Variants in ABCA13 observed in about 807,000 individuals in gnomAD.
ABCA13 encodes ATP binding cassette subfamily A member 13.
Under a neutral mutation model 478.7 loss-of-function variants are expected in ABCA13, and 476 were observed. The observed-to-expected ratio is 0.99, with a 90% CI of 0.92 to 1.07. The LOEUF (loss-of-function observed/expected upper bound fraction) is 1.07, where lower values mean the gene tolerates loss of function less well. ABCA13 is among the 50% of genes least tolerant of loss of function. The pLI is 0.00. For missense variants in ABCA13, 6,060 were observed against 5,910.6 expected (o/e 1.03, Z -0.83); for synonymous variants, 2,252 against 2,158.9 (o/e 1.04, Z -1.20).
At chr7:48,487,529 A>G (rs1444435171) in intron 47 of ABCA13, among the ~76,000 whole-genome samples, 1 of 152,104 alleles carries the variant, frequency 6.6e-6, no homozygotes, top group African/African-American at 2.4e-5. Context: ...AATTAAAATA[A>G]TAAAACAAAT....
At chr7:48,524,020 T>G (rs1269039010) in intron 53 of ABCA13, among the ~76,000 whole-genome samples, 1 of 152,218 alleles carries the variant, frequency 6.6e-6, no homozygotes, top group Non-Finnish European at 1.5e-5. Context: ...CCAATTCATT[T>G]CAGTATCTTT....
At chr7:48,423,327 G>A (rs1327035418) in intron 41 of ABCA13, among the ~76,000 whole-genome samples, 1 of 152,186 alleles carries the variant, frequency 6.6e-6, no homozygotes, top group Non-Finnish European at 1.5e-5. Context: ...TTCTTCCTCT[G>A]CTCAAGTCAT....
intron 40 of ABCA13, 74 bp from the exon 41 acceptor site, chr7:48,412,279 T>TTAAGCAGTAAGGAATGTTACATCA: frequency 8.7e-7 from 1 of 1,147,036 alleles, no homozygotes; most frequent in Non-Finnish European, 1.2e-6. Flanking sequence ...CTTATGGATA[T>TTAAGCAGTAAGGAATGTTACATCA]ACATGAAATC....
chr7:48,394,222 G>A (rs1816496871), intron 38 of ABCA13, among the ~76,000 whole-genome samples: 1 of 152,074 alleles, frequency 6.6e-6, no homozygotes. Flanking sequence ...GATTTATTAT[G>A]AGTGCCCCCT....
chr7:48,464,588 G>A (rs1307431285), intron 43 of ABCA13, among the ~76,000 whole-genome samples: 3 of 152,174 alleles, frequency 2.0e-5, no homozygotes, highest in South Asian at 2.1e-4. Context: ...CTAATTTAAT[G>A]TAATGAGTTG....
chr7:48,195,792 A>G (rs1368488608), intron 2 of ABCA13, among the ~76,000 whole-genome samples: 1 of 152,116 alleles, frequency 6.6e-6, no homozygotes, highest in Admixed American at 6.5e-5. Context: ...TGGAAGGGAA[A>G]CAAAGAGGTT....
intron 35 of ABCA13, among the ~76,000 whole-genome samples, chr7:48,384,300 C>T (rs1320218646): frequency 2.0e-5 from 3 of 152,196 alleles, no homozygotes; most frequent in African/African-American, 4.8e-5. Context: ...AGGGGCTTTT[C>T]GTGTAATTGG....
Position 48,298,354 on chromosome 7 carries a change from C to A in ABCA13, c.9200-12C>A. The A allele has an allele frequency of 6.3e-7, 1 of 1,595,232 alleles. No individual in the cohort carries two copies. The highest frequency in any genetic ancestry group is 2.2e-5 in the East Asian group (1 of 44,714). Reference sequence around the variant, plus strand: ...TTTATTACACAAATTTCTTATTTTCCTTACTTTGCAGATGTAAAAATAAAA... The same window carrying A: ...TTTATTACACAAATTTCTTATTTTCATTACTTTGCAGATGTAAAAATAAAA... On this transcript the variant is annotated splice_polypyrimidine_tract_variant and intron_variant, in intron 22 of 61. Coordinates refer to ENST00000435803, the MANE Select transcript of ABCA13 (RefSeq NM_152701.5).
intron 54 of ABCA13, among the ~76,000 whole-genome samples, chr7:48,526,111 A>G (rs1235105304): frequency 6.6e-6 from 1 of 152,090 alleles, no homozygotes. Context: ...TAATTTTTGT[A>G]CTGAAAAATA....
At chr7:48,635,508 C>G (rs1794561610) in intron 59 of ABCA13, among the ~76,000 whole-genome samples, 1 of 152,140 alleles carries the variant, frequency 6.6e-6, no homozygotes, top group African/African-American at 2.4e-5. Flanking sequence ...CAAGGGGGAC[C>G]CCAATATTCT....
intron 42 of ABCA13, among the ~76,000 whole-genome samples, chr7:48,441,118 A>ATGT (rs1272499146): frequency 5.3e-5 from 8 of 152,194 alleles, no homozygotes; most frequent in Non-Finnish European, 1.2e-4. Context: ...TATTCTTCAA[A>ATGT]TTCCTCCTAT....
intron 41 of ABCA13, among the ~76,000 whole-genome samples, chr7:48,420,150 G>A (rs1820554533): frequency 6.6e-6 from 1 of 152,148 alleles, no homozygotes. Flanking sequence ...CAGGAGTGAG[G>A]AGGACCTGCC....
intron 23 of ABCA13, among the ~76,000 whole-genome samples, chr7:48,304,134 A>G (rs1265192902): frequency 1.3e-5 from 2 of 152,242 alleles, no homozygotes; most frequent in Admixed American, 6.5e-5. Flanking sequence ...AAGAATTGAC[A>G]TTATTATCTA....
intron 3 of ABCA13, among the ~76,000 whole-genome samples, chr7:48,207,966 A>AT (rs886094197): frequency 2.1e-4 from 32 of 151,300 alleles, no homozygotes; most frequent in African/African-American, 4.6e-4. Flanking sequence ...ATCAATTTTG[A>AT]TTTTTTTTTA....
At chr7:48,351,113 T>A (rs1188625275) in intron 30 of ABCA13, among the ~76,000 whole-genome samples, 1 of 152,240 alleles carries the variant, frequency 6.6e-6, no homozygotes, top group South Asian at 2.1e-4. Context: ...TATAACATCA[T>A]GTTCTAGTTA....
Position 48,234,088 on chromosome 7 carries a change from C to A in ABCA13, c.834C>A (p.Ser278=), listed in dbSNP as rs367866741. 7.2e-5 allele frequency: 116 copies of A among 1,613,852 alleles called. No homozygotes were observed. The highest frequency in any genetic ancestry group is 9.1e-5 in the Non-Finnish European group (107 of 1,179,898). Residue 278 remains serine (S), a synonymous_variant, in exon 8 of 62, where the codon TCC becomes TCA. Transcript: ENST00000435803. ...AGAAAGTCCAGTATGATCTCAAATC[C>A]CAGTTTGGCTTTGATGATCTTCACA... ...DPQKVQYDLK[S]QFGFDDLHTE...
At chr7:48,483,950 A>G (rs908494202) in intron 47 of ABCA13, among the ~76,000 whole-genome samples, 9 of 152,202 alleles carry the variant, frequency 5.9e-5, no homozygotes, top group African/African-American at 2.2e-4. Flanking sequence ...TTAGGATATC[A>G]GTATAGACAT....
intron 59 of ABCA13, among the ~76,000 whole-genome samples, chr7:48,637,946 A>G (rs1586064106): frequency 1.3e-5 from 2 of 152,190 alleles, no homozygotes; most frequent in Non-Finnish European, 2.9e-5. Flanking sequence ...TGTGTCCTGT[A>G]TTCTTGGAGC....
At chr7:48,606,482 C>A (rs1262390706) in intron 58 of ABCA13, among the ~76,000 whole-genome samples, 3 of 152,160 alleles carry the variant, frequency 2.0e-5, no homozygotes, top group African/African-American at 7.2e-5. Flanking sequence ...CCCTCTGCTG[C>A]AGGTCTGCTG....
Sources: gnomAD v4.1 joint callset for allele counts (sites outside exome capture counted in the v4.1 genomes callset) on GRCh38, gnomAD v4.1.1 for gene constraint, MANE v1.5 for transcripts, NCBI Gene and HGNC (gene_info 2026-07-23, HGNC 2026-07-21) for gene names.